GABRR1: variants seen among roughly 807,000 people sequenced by gnomAD.
GABRR1 encodes the protein gamma-aminobutyric acid receptor subunit rho-1.
Under a neutral mutation model 55.5 loss-of-function variants are expected in GABRR1, and 59 were observed. The observed-to-expected ratio is 1.06, with a 90% CI of 0.86 to 1.32. The LOEUF (loss-of-function observed/expected upper bound fraction) is 1.32, where lower values mean the gene tolerates loss of function less well. Ranked by LOEUF, GABRR1 falls within the 40% of genes most tolerant of loss-of-function variation. GABRR1 has a pLI of 0.00. For missense variants in GABRR1, 602 were observed against 619.1 expected (o/e 0.97, Z 0.29); for synonymous variants, 213 against 226.0 (o/e 0.94, Z 0.51).
intron 6 of GABRR1, among the ~76,000 whole-genome samples, chr6:89,186,858 T>C (rs912743163): frequency 2.3e-4 from 35 of 152,192 alleles, no homozygotes; most frequent in African/African-American, 8.0e-4. Flanking sequence ...TTTCCCCACA[T>C]TCAGTGCCCT....
intron 1 of GABRR1, among the ~76,000 whole-genome samples, chr6:89,223,994 C>T (rs1456052424): frequency 6.6e-6 from 1 of 152,072 alleles, no homozygotes; most frequent in African/African-American, 2.4e-5. Flanking sequence ...ATCTCTTGAC[C>T]TCATGATCTG....
At position 89,206,154 on chromosome 6, in the gene GABRR1, G is replaced by A. The variant is rs929991292; in HGVS notation, c.123-2669C>T. Among the ~76,000 whole-genome samples, 3 of 151,962 alleles carry A rather than the reference G, an allele frequency of 2.0e-5. No individual in the cohort carries two copies. In the East Asian group the frequency reaches 5.8e-4, roughly 29 times the overall value. ...CTCAGGTGTCATTACTTAGCATATGGGAGGCAGCAGGCTTTCCTGCCTCTG... is the reference window on the plus strand; with the variant it reads ...CTCAGGTGTCATTACTTAGCATATGAGAGGCAGCAGGCTTTCCTGCCTCTG... On this transcript the variant is annotated intron_variant, in intron 1 of 9. Transcript: ENST00000454853.
intron 1 of GABRR1, among the ~76,000 whole-genome samples, chr6:89,210,115 C>A (rs967549969): frequency 6.6e-6 from 1 of 150,580 alleles, no homozygotes; most frequent in Admixed American, 6.6e-5. Flanking sequence ...CCCTTTTGGG[C>A]CTTGCTCTTT....
chr6:89,205,569 C>T (rs915239323), intron 1 of GABRR1: 1 of 152,222 alleles, frequency 6.6e-6, no homozygotes, highest in Non-Finnish European at 1.5e-5. Context: ...TTGATGTCTG[C>T]TTGTTCTAGT....
At chr6:89,209,390 T>C (rs143359052) in intron 1 of GABRR1, among the ~76,000 whole-genome samples, 31 of 152,330 alleles carry the variant, frequency 2.0e-4, no homozygotes, top group African/African-American at 7.2e-4. Context: ...TTGACCCTAA[T>C]GCCAACATTT....
chr6:89,229,195 A>G (rs995793575), intron 1 of GABRR1, among the ~76,000 whole-genome samples: 2 of 151,660 alleles, frequency 1.3e-5, no homozygotes, highest in African/African-American at 4.8e-5. Context: ...CAGCACACTG[A>G]TGGGTCTTGA....
chr6:89,214,696 G>C (rs949110334), intron 1 of GABRR1, among the ~76,000 whole-genome samples: 2 of 152,114 alleles, frequency 1.3e-5, no homozygotes, highest in African/African-American at 4.8e-5. Context: ...TTGAACCACA[G>C]TGAGATATCA....
chr6:89,201,128 A>G, intron 3 of GABRR1, 31 bp downstream of exon 3: 1 of 1,519,234 alleles, frequency 6.6e-7, no homozygotes, highest in South Asian at 1.1e-5. Context: ...ACCAGAAGAA[A>G]GAGGACACCC....
intron 1 of GABRR1, among the ~76,000 whole-genome samples, chr6:89,215,785 T>A (rs1271449017): frequency 6.6e-6 from 1 of 152,222 alleles, no homozygotes. Context: ...TGTACCCCAT[T>A]AATATATACA....
chr6:89,186,715 C>T (rs1044642992), intron 6 of GABRR1, among the ~76,000 whole-genome samples: 3 of 152,230 alleles, frequency 2.0e-5, no homozygotes, highest in Non-Finnish European at 4.4e-5. Flanking sequence ...GCTCTGCCAC[C>T]GAGCTCTGTC....
At chr6:89,191,298 T>C (rs1168632060) in intron 5 of GABRR1, among the ~76,000 whole-genome samples, 1 of 152,020 alleles carries the variant, frequency 6.6e-6, no homozygotes, top group Admixed American at 6.6e-5. Flanking sequence ...GAGGTCGAGG[T>C]GGGGGTCAGG....
intron 5 of GABRR1, among the ~76,000 whole-genome samples, chr6:89,191,285 G>A (rs1772076839): frequency 6.6e-6 from 1 of 152,184 alleles, no homozygotes; most frequent in African/African-American, 2.4e-5. Flanking sequence ...ATGTTAGAGT[G>A]CAGAGGTCGA....
At chr6:89,201,310 G>A (rs750005558) in intron 2 of GABRR1, 45 bp from the exon 3 acceptor site, 4 of 1,318,258 alleles carry the variant, frequency 3.0e-6, no homozygotes. Context: ...TTCCAACCAA[G>A]ACAAATAAAC....
chr6:89,185,024 A>G lies in GABRR1; in HGVS notation c.796+286T>C, dbSNP rs1007302257. ...CTCAGCCTTCCAGATAGCTGGGACT[A>G]CAGGCGTGTGCCACCACACTTGGCT... On this transcript the variant is annotated intron_variant, in intron 7 of 9. Coordinates refer to ENST00000454853, the MANE Select transcript of GABRR1 (RefSeq NM_002042.5). Among the ~76,000 whole-genome samples, 5 of 151,582 alleles carry G rather than the reference A, an allele frequency of 3.3e-5. No homozygotes were observed. In the South Asian group the frequency reaches 1.0e-3, roughly 32 times the overall value.
chr6:89,222,880 C>A (rs1773133919), intron 1 of GABRR1, among the ~76,000 whole-genome samples: 2 of 152,140 alleles, frequency 1.3e-5, no homozygotes, highest in African/African-American at 4.8e-5. Context: ...GCCCAGCGTT[C>A]CACAACAGCT....
intron 1 of GABRR1, among the ~76,000 whole-genome samples, chr6:89,229,121 C>G (rs1472339733): frequency 6.6e-5 from 10 of 152,000 alleles, no homozygotes; most frequent in African/African-American, 2.4e-4. Context: ...CTTGGTAGAT[C>G]TTCCTCCATC....
In GABRR1 at chr6:89,178,890, A is replaced by G. The variant is rs1357967227; in HGVS notation, c.1320T>C (p.Ser440=). 1 of 1,614,146 alleles carries G rather than the reference A, an allele frequency of 6.2e-7. No homozygotes were observed. Among genetic ancestry groups the G allele is most frequent in the South Asian group, 1.1e-5 (1 of 91,074 alleles). Residue 440 remains serine, a synonymous_variant, in exon 10 of 10, where the codon AGT becomes AGC. Transcript: ENST00000454853. The stretch of plus-strand genomic sequence containing the variant: ...TCATGCTCACATAGCTGCTTCTCTG[A>G]CTTTTCCTCTGTGGGGAGCTCCTCT... ...ASERSSPQRK[S]QRSSYVSMRI...
chr6:89,221,124 C>T (rs1773107976), upstream of GABRR1, among the ~76,000 whole-genome samples: 2 of 152,186 alleles, frequency 1.3e-5, no homozygotes, highest in African/African-American at 4.8e-5. Flanking sequence ...ATGGCCTTCC[C>T]TACAGCAATG....
chr6:89,187,720 G>A (rs966676401), intron 6 of GABRR1, among the ~76,000 whole-genome samples: 1 of 152,182 alleles, frequency 6.6e-6, no homozygotes, highest in South Asian at 2.1e-4. Context: ...ACATCATACA[G>A]TATTTGTCTT....
Sources: allele counts gnomAD v4.1 joint callset (sites outside exome capture counted in the v4.1 genomes callset), GRCh38; gene constraint gnomAD v4.1.1; transcripts MANE v1.5; gene names NCBI Gene and HGNC (gene_info 2026-07-23, HGNC 2026-07-21).